ANK2: variants seen among roughly 807,000 people sequenced by gnomAD.
ANK2 encodes the protein ankyrin-2.
A neutral mutation model predicts 360.5 loss-of-function variants in ANK2; 83 were observed. That is an observed-to-expected ratio of 0.23 (90% CI 0.19 to 0.28). The LOEUF (loss-of-function observed/expected upper bound fraction) is 0.28. Ranked by LOEUF, ANK2 falls within the 10% of genes least tolerant of loss-of-function variation. The pLI is 1.00. For missense variants in ANK2, 4,201 were observed against 4,795.7 expected, an observed-to-expected ratio of 0.88 and a Z score of 3.66; for synonymous variants, 1,740 against 1,759.5, an observed-to-expected ratio of 0.99 and a Z score of 0.28.
chr4:113,317,877 A>G, intron 25 of ANK2, 68 bp downstream of exon 25: 2 of 1,333,148 alleles, frequency 1.5e-6, no homozygotes, highest in Non-Finnish European at 2.1e-6. Flanking sequence ...GATGCTAGAA[A>G]TGTCCTGAGA....
intron 2 of ANK2, among the ~76,000 whole-genome samples, chr4:113,194,182 T>A (rs2098715055): frequency 6.6e-6 from 1 of 152,194 alleles, no homozygotes; most frequent in African/African-American, 2.4e-5. Flanking sequence ...AACAAATAAA[T>A]TTGTATTAAT....
chr4:112,831,398 T>C (rs2059700406), intron 1 of ANK2, among the ~76,000 whole-genome samples: 1 of 152,216 alleles, frequency 6.6e-6, no homozygotes, highest in Non-Finnish European at 1.5e-5. Flanking sequence ...GCTAATCTAG[T>C]GGGGACTTGG....
chr4:112,816,144 G>A (rs192155645), upstream of ANK2, among the ~76,000 whole-genome samples: 1 of 152,276 alleles, frequency 6.6e-6, no homozygotes, highest in Admixed American at 6.5e-5. Context: ...TTAACTCTGG[G>A]TAGTCAGTGT....
intron 2 of ANK2, among the ~76,000 whole-genome samples, chr4:112,948,052 C>G (rs1364200721): frequency 6.6e-6 from 1 of 152,200 alleles, no homozygotes; most frequent in Non-Finnish European, 1.5e-5. Flanking sequence ...CTAATGTATA[C>G]ATGCAAACCC....
intron 18 of ANK2, among the ~76,000 whole-genome samples, chr4:113,287,307 C>G (rs2065154693): frequency 6.6e-6 from 1 of 152,088 alleles, no homozygotes; most frequent in Non-Finnish European, 1.5e-5. Context: ...AAATACATGC[C>G]ATTTGAAAGC....
At chr4:112,855,891 G>T (rs1311271336) in intron 1 of ANK2, among the ~76,000 whole-genome samples, 7 of 152,098 alleles carry the variant, frequency 4.6e-5, no homozygotes, top group Admixed American at 4.6e-4. Context: ...CATTTTAATG[G>T]TCTTAGGAGA....
intron 3 of ANK2, among the ~76,000 whole-genome samples, chr4:113,197,283 A>G (rs2098761700): frequency 6.6e-6 from 1 of 152,244 alleles, no homozygotes; most frequent in Non-Finnish European, 1.5e-5. Flanking sequence ...ACTCATTTTA[A>G]AAGAAATGCA....
intron 21 of ANK2, chr4:113,292,839 G>A (rs2068524478): frequency 2.5e-6 from 1 of 408,086 alleles, no homozygotes; most frequent in Admixed American, 3.6e-5. Flanking sequence ...CCTTCTTAAG[G>A]GAGCACAGTA....
chr4:113,308,751 C>T (rs1210132801), intron 23 of ANK2, among the ~76,000 whole-genome samples: 1 of 152,136 alleles, frequency 6.6e-6, no homozygotes, highest in Non-Finnish European at 1.5e-5. Flanking sequence ...GGGAAAGAAG[C>T]TACCATATTT....
intron 1 of ANK2, chr4:112,827,559 A>G: frequency 9.1e-7 from 1 of 1,100,502 alleles, no homozygotes; most frequent in Non-Finnish European, 1.4e-6. Context: ...TGGAACAGGA[A>G]GAGGAGATGA....
At chr4:113,105,789 T>C (rs1346351564) in intron 1 of ANK2, among the ~76,000 whole-genome samples, 1 of 152,198 alleles carries the variant, frequency 6.6e-6, no homozygotes, top group African/African-American at 2.4e-5. Flanking sequence ...CTGATCATAT[T>C]GTATTACTCA....
At chr4:112,860,637 C>A (rs536770812) in intron 1 of ANK2, among the ~76,000 whole-genome samples, 1 of 152,026 alleles carries the variant, frequency 6.6e-6, no homozygotes, top group Non-Finnish European at 1.5e-5. Flanking sequence ...CTTGTATCAC[C>A]GTCTTATTTT....
At chr4:113,103,718 C>T (rs1414303175) in intron 1 of ANK2, among the ~76,000 whole-genome samples, 1 of 152,096 alleles carries the variant, frequency 6.6e-6, no homozygotes, top group Non-Finnish European at 1.5e-5. Context: ...GGAGTACAAG[C>T]TTCCATTGTC....
intron 9 of ANK2, among the ~76,000 whole-genome samples, chr4:113,247,138 C>T (rs1245478959): frequency 6.7e-6 from 1 of 150,238 alleles, no homozygotes; most frequent in Non-Finnish European, 1.5e-5. Flanking sequence ...TATAGTACAT[C>T]CGTGTGATGA....
At chr4:113,282,361 G>A (rs1361366322) in intron 17 of ANK2, among the ~76,000 whole-genome samples, 2 of 152,128 alleles carry the variant, frequency 1.3e-5, no homozygotes, top group Non-Finnish European at 2.9e-5. Flanking sequence ...TTTAAAGGAT[G>A]GTCATGTAGA....
At chr4:113,207,349 A>G (rs2098964147) in intron 4 of ANK2, among the ~76,000 whole-genome samples, 1 of 152,218 alleles carries the variant, frequency 6.6e-6, no homozygotes, top group Non-Finnish European at 1.5e-5. Flanking sequence ...TCATTTATTT[A>G]TCACTACACA....
rs367670411 is a variant in ANK2 at position 113,279,564 on chromosome 4, G to T, written c.1881+1006G>T. ...TCCTTTGTGCCCCAAAGCAATAGAG[G>T]GAGATTTATTCCACTTCTGTTATAC... On this transcript the variant is annotated intron_variant, in intron 17 of 45. Coordinates refer to ENST00000357077, the MANE Select transcript of ANK2 (RefSeq NM_001148.6). 7.9e-5 allele frequency among the ~76,000 whole-genome samples: 12 copies of T among 151,338 alleles called. No homozygotes were observed. The South Asian group carries it at 2.5e-3, about 32-fold the overall frequency.
At chr4:113,340,018 G>T (rs999771676) in intron 32 of ANK2, among the ~76,000 whole-genome samples, 1 of 152,190 alleles carries the variant, frequency 6.6e-6, no homozygotes, top group Non-Finnish European at 1.5e-5. Context: ...ACATAAAAGT[G>T]CATGAATAGT....
intron 2 of ANK2, among the ~76,000 whole-genome samples, chr4:113,018,831 C>G (rs561467665): frequency 6.6e-6 from 1 of 152,320 alleles, no homozygotes; most frequent in East Asian, 1.9e-4. Flanking sequence ...ACAGACTTGA[C>G]TTACTGCTTC....
Sources: gnomAD v4.1 joint callset for allele counts (sites outside exome capture counted in the v4.1 genomes callset) on GRCh38, gnomAD v4.1.1 for gene constraint, MANE v1.5 for transcripts, NCBI Gene and HGNC (gene_info 2026-07-23, HGNC 2026-07-21) for gene names.